Variants in IL1RAPL2 observed in about 807,000 individuals in gnomAD.
IL1RAPL2 encodes the protein X-linked interleukin-1 receptor accessory protein-like 2.
IL1RAPL2 carries 3 observed loss-of-function variants against 44.1 expected under a neutral mutation model. The ratio of observed to expected loss-of-function variants is 0.07; its 90% CI spans 0.03 to 0.18. The LOEUF (loss-of-function observed/expected upper bound fraction) is 0.18, where lower values mean the gene tolerates loss of function less well. IL1RAPL2 is among the 10% of genes least tolerant of loss of function. The pLI is 1.00. For synonymous variants in IL1RAPL2, 181 were observed against 178.8 expected (o/e 1.01, Z -0.10); for missense variants, 391 against 496.4 (o/e 0.79, Z 2.02).
At chrX:104,868,809 T>C (rs17003887) in intron 2 of IL1RAPL2, among the ~76,000 whole-genome samples, 6,102 of 112,044 alleles carry the variant, frequency 0.054, 434 homozygotes, top group African/African-American at 0.19. Context: ...CTCTGAATAC[T>C]ACATATATCC....
chrX:105,667,591 T>C (rs1421563834), intron 6 of IL1RAPL2, among the ~76,000 whole-genome samples: 2 of 111,814 alleles, frequency 1.8e-5, no homozygotes, highest in African/African-American at 6.5e-5. Flanking sequence ...CACATCCAAG[T>C]AGAATTTTTT....
intron 1 of IL1RAPL2, among the ~76,000 whole-genome samples, chrX:104,637,413 T>G (rs1929837483): frequency 9.0e-6 from 1 of 111,649 alleles, no homozygotes; most frequent in South Asian, 3.8e-4. Flanking sequence ...AGGAAGACTT[T>G]CAGTTTTTCC....
chrX:105,730,382 C>A (rs2038396229), intron 7 of IL1RAPL2, among the ~76,000 whole-genome samples: 2 of 111,029 alleles, frequency 1.8e-5, no homozygotes, highest in Non-Finnish European at 3.8e-5. Flanking sequence ...ATTTTTAGAT[C>A]TAAAAGGAGA....
intron 1 of IL1RAPL2, among the ~76,000 whole-genome samples, chrX:104,621,694 GT>G (rs1365550750): frequency 9.0e-6 from 1 of 111,220 alleles, no homozygotes; most frequent in Non-Finnish European, 1.9e-5. Context: ...ATGATTTGGA[GT>G]GGTTATTAGC....
intron 2 of IL1RAPL2, among the ~76,000 whole-genome samples, chrX:104,908,622 A>G (rs1220676736): frequency 9.0e-6 from 1 of 111,640 alleles, no homozygotes; most frequent in African/African-American, 3.3e-5. Context: ...AAGAATGTTG[A>G]ATATTGGCCC....
chrX:104,950,314 G>T lies in IL1RAPL2; in HGVS notation c.83-245161G>T, dbSNP rs1411564528. Among the ~76,000 whole-genome samples, 5 of 112,282 alleles carry T rather than the reference G, an allele frequency of 4.5e-5. No individual in the cohort carries two copies. In the East Asian group the frequency reaches 1.1e-3, roughly 25 times the overall value. On this transcript the variant is annotated intron_variant, in intron 2 of 10. Coordinates refer to ENST00000372582, the MANE Select transcript of IL1RAPL2 (RefSeq NM_017416.2). ...CCTCAGGGACCCACTTGAGGAGGCA[G>T]TCTGCCCGTTCTCAGATCTCCAGCT...
intron 6 of IL1RAPL2, among the ~76,000 whole-genome samples, chrX:105,642,933 C>G: frequency 8.8e-6 from 1 of 113,048 alleles, no homozygotes; most frequent in East Asian, 2.8e-4. Flanking sequence ...AAAACATAGT[C>G]TCCTTACATA....
At chrX:104,862,789 T>C (rs1003871200) in intron 2 of IL1RAPL2, among the ~76,000 whole-genome samples, 2 of 112,106 alleles carry the variant, frequency 1.8e-5, no homozygotes, top group Admixed American at 1.9e-4. Context: ...AGGGTGTTCA[T>C]TTACTTAGAG....
rs149889173 is a variant in IL1RAPL2 at position 105,099,062 on chromosome X, C to G, written c.83-96413C>G. On this transcript the variant is annotated intron_variant, in intron 2 of 10. Transcript: ENST00000372582. Reference sequence around the variant, plus strand: ...CATTTGGTGAGCAAATACTCTATGTCAAGCATTGTACAACGCACTAGAGGT... The same window carrying G: ...CATTTGGTGAGCAAATACTCTATGTGAAGCATTGTACAACGCACTAGAGGT... 1.6e-3 allele frequency among the ~76,000 whole-genome samples: 180 copies of G among 112,368 alleles called. 1 individual carries two copies. Among genetic ancestry groups the G allele is most frequent in the African/African-American group, 5.6e-3 (173 of 30,971 alleles).
At chrX:104,602,528 C>A (rs1386863148) in intron 1 of IL1RAPL2, among the ~76,000 whole-genome samples, 1 of 111,754 alleles carries the variant, frequency 8.9e-6, no homozygotes, top group Admixed American at 9.5e-5. Context: ...GCCAAGTGGT[C>A]TGACTCGGCG....
intron 2 of IL1RAPL2, among the ~76,000 whole-genome samples, chrX:105,136,541 AGT>A (rs2033078495): frequency 8.9e-6 from 1 of 112,789 alleles, no homozygotes; most frequent in Admixed American, 9.4e-5. Context: ...GCTCAAGTAT[AGT>A]GTTTGTTGAT....
intron 5 of IL1RAPL2, among the ~76,000 whole-genome samples, chrX:105,286,463 G>A (rs780924978): frequency 2.1e-5 from 2 of 96,854 alleles, no homozygotes; most frequent in East Asian, 6.1e-4. Flanking sequence ...AATCTGCTTT[G>A]CAGCCTCAAA....
intron 2 of IL1RAPL2, among the ~76,000 whole-genome samples, chrX:105,036,032 G>A (rs1569366570): frequency 9.0e-6 from 1 of 111,519 alleles, no homozygotes; most frequent in Non-Finnish European, 1.9e-5. Flanking sequence ...TACCAACCAT[G>A]GCCTCTATGG....
rs138092999 is a variant in IL1RAPL2 at position 104,768,620 on chromosome X, T to C, written c.82+109625T>C. On this transcript the variant is annotated intron_variant, in intron 2 of 10. Transcript: ENST00000372582. Reference sequence around the variant, plus strand: ...GGTTGCCAAAACAGGTGAAGAATAATATGGGTATTTAGTGATCTGGAGCAA... The same window carrying C: ...GGTTGCCAAAACAGGTGAAGAATAACATGGGTATTTAGTGATCTGGAGCAA... Among the ~76,000 whole-genome samples the C allele has an allele frequency of 4.0e-3, 447 of 111,079 alleles. 3 individuals are homozygous for C. Among genetic ancestry groups the C allele is most frequent in the Middle Eastern group, 0.037 (8 of 216 alleles).
intron 2 of IL1RAPL2, among the ~76,000 whole-genome samples, chrX:104,967,452 A>G (rs1205527659): frequency 9.0e-6 from 1 of 111,414 alleles, no homozygotes; most frequent in East Asian, 2.8e-4. Context: ...ATTAAAAAAT[A>G]AAAGGTTATA....
intron 2 of IL1RAPL2, among the ~76,000 whole-genome samples, chrX:105,185,871 T>C (rs114036105): frequency 0.024 from 2,726 of 112,058 alleles, 79 homozygotes; most frequent in African/African-American, 0.083. Flanking sequence ...AGCCCTTAAT[T>C]ATGTGAGTTA....
chrX:105,555,026 G>A (rs779901238), intron 6 of IL1RAPL2, among the ~76,000 whole-genome samples: 1 of 109,214 alleles, frequency 9.2e-6, no homozygotes, highest in East Asian at 2.9e-4. Flanking sequence ...ACATTTTCAA[G>A]CCTTGTGTAA....
intron 1 of IL1RAPL2, among the ~76,000 whole-genome samples, chrX:104,613,957 A>T (rs1404162380): frequency 9.1e-6 from 1 of 109,573 alleles, no homozygotes; most frequent in Non-Finnish European, 1.9e-5. Flanking sequence ...AGTTTTCTCT[A>T]GATTTTCTAG....
chrX:104,638,607 A>T (rs762216606), intron 1 of IL1RAPL2, among the ~76,000 whole-genome samples: 2 of 112,107 alleles, frequency 1.8e-5, no homozygotes, highest in South Asian at 7.4e-4. Flanking sequence ...TAATTTCTTC[A>T]TCTACCCAAT....
Sources: allele counts gnomAD v4.1 joint callset (sites outside exome capture counted in the v4.1 genomes callset), GRCh38; gene constraint gnomAD v4.1.1; transcripts MANE v1.5; gene names NCBI Gene and HGNC (gene_info 2026-07-23, HGNC 2026-07-21).